Variants in COL11A1 observed in about 807,000 individuals in gnomAD.
COL11A1 encodes the protein collagen type XI alpha 1 chain.
COL11A1 carries 74 observed loss-of-function variants against 265.2 expected under a neutral mutation model. That is an observed-to-expected ratio of 0.28 (90% CI 0.23 to 0.34). COL11A1 has a LOEUF of 0.34. Ranked by LOEUF, COL11A1 falls within the 10% of genes least tolerant of loss-of-function variation. COL11A1 has a pLI of 1.00. For missense variants in COL11A1, 2,165 were observed against 2,263.6 expected, an observed-to-expected ratio of 0.96 and a Z score of 0.88; for synonymous variants, 816 against 727.6, an observed-to-expected ratio of 1.12 and a Z score of -1.96.
rs1570984489 is a variant in COL11A1, at chr1:102,998,214, A to C, written c.2196+96T>G. Reference sequence around the variant, plus strand: ...TTAATTACTGGCTCAATTTATTTTTATTACTAACCTCATATAATCATTTCT... The same window carrying C: ...TTAATTACTGGCTCAATTTATTTTTCTTACTAACCTCATATAATCATTTCT... On this transcript the variant is annotated intron_variant, in intron 25 of 66. Coordinates refer to ENST00000370096, the MANE Select transcript of COL11A1 (RefSeq NM_001854.4). 1.1e-5 allele frequency: 11 copies of C among 1,017,040 alleles called. No homozygotes were observed. The East Asian group carries it at 2.6e-4, about 24-fold the overall frequency. 63.0% of individuals were successfully genotyped at this position (1,017,040 alleles called of 1,614,324 possible). A position where few individuals can be genotyped will look rare whatever the true frequency, so the allele number is the denominator to read the frequency against.
At chr1:103,026,403 T>C (rs1023151514) in intron 5 of COL11A1, 71 bp from the exon 6 acceptor site, 1 of 974,352 alleles carries the variant, frequency 1.0e-6, no homozygotes, top group Non-Finnish European at 1.7e-6. Context: ...GTGAGAACCA[T>C]CTTAACTTTT....
intron 41 of COL11A1, among the ~76,000 whole-genome samples, chr1:102,954,451 G>A (rs1276039463): frequency 1.3e-5 from 2 of 152,082 alleles, no homozygotes; most frequent in South Asian, 2.1e-4. Context: ...TTAAGATGCC[G>A]CCCACTAGAG....
At chr1:102,906,189 T>G (rs1027254926) in intron 54 of COL11A1, among the ~76,000 whole-genome samples, 4 of 152,144 alleles carry the variant, frequency 2.6e-5, no homozygotes, top group Non-Finnish European at 4.4e-5. Context: ...TATTGTAAAT[T>G]AGTTATTATG....
intron 41 of COL11A1, among the ~76,000 whole-genome samples, chr1:102,955,958 G>A (rs1376644715): frequency 6.6e-6 from 1 of 151,992 alleles, no homozygotes; most frequent in African/African-American, 2.4e-5. Context: ...CCAGTTCTTG[G>A]ATACAACATC....
At chr1:103,068,582 A>T (rs1671329982) in intron 4 of COL11A1, among the ~76,000 whole-genome samples, 1 of 151,580 alleles carries the variant, frequency 6.6e-6, no homozygotes, top group South Asian at 2.1e-4. Context: ...AATATATATA[A>T]AAGTTATATT....
Position 102,887,037 on chromosome 1 carries a change from A to T in COL11A1, c.4628T>A (p.Ile1543Asn). The T allele has an allele frequency of 6.2e-7, 1 of 1,613,870 alleles. No individual in the cohort carries two copies. Among genetic ancestry groups the T allele is most frequent in the Non-Finnish European group, 8.5e-7 (1 of 1,179,816 alleles). Reference sequence around the variant, plus strand: ...GGAGGACAAGATTGGTAAAGGCTGAATGACTTCACCAGGTGGACCCTGTAA... The same window carrying T: ...GGAGGACAAGATTGGTAAAGGCTGATTGACTTCACCAGGTGGACCCTGTAA... ...PGSPGPPGEV[I>N]QPLPILSSKK... Residue 1543 changes from isoleucine to asparagine, a missense_variant, in exon 63 of 67, where the codon ATT (isoleucine) becomes AAT (asparagine). By Grantham distance (149) the Ile-to-Asn change is moderately radical. Coordinates refer to ENST00000370096, the MANE Select transcript of COL11A1 (RefSeq NM_001854.4).
intron 41 of COL11A1, among the ~76,000 whole-genome samples, chr1:102,960,231 C>G (rs1444710141): frequency 6.6e-6 from 1 of 152,044 alleles, no homozygotes; most frequent in African/African-American, 2.4e-5. Flanking sequence ...GAGTAAGTAT[C>G]ATGTGAATCA....
At chr1:103,022,448 C>T (rs950376256) in intron 8 of COL11A1, among the ~76,000 whole-genome samples, 3 of 152,034 alleles carry the variant, frequency 2.0e-5, no homozygotes, top group South Asian at 2.1e-4. Context: ...ATCAGACTTG[C>T]TACTTGGAAT....
intron 4 of COL11A1, among the ~76,000 whole-genome samples, chr1:103,040,742 T>C (rs976248560): frequency 6.6e-6 from 1 of 151,720 alleles, no homozygotes; most frequent in African/African-American, 2.4e-5. Flanking sequence ...TTTTAAAAAA[T>C]CAATTTGAGA....
chr1:103,089,959 A>G (rs1673181770), intron 1 of COL11A1, among the ~76,000 whole-genome samples: 1 of 152,194 alleles, frequency 6.6e-6, no homozygotes, highest in South Asian at 2.1e-4. Flanking sequence ...CCCTGTCTCT[A>G]CTAAAAATAC....
intron 4 of COL11A1, among the ~76,000 whole-genome samples, chr1:103,052,065 T>C (rs956009141): frequency 6.6e-6 from 1 of 152,126 alleles, no homozygotes; most frequent in Non-Finnish European, 1.5e-5. Context: ...ACCTCTCATA[T>C]CCTAACAGTC....
chr1:102,905,474 C>A (rs189791620), intron 54 of COL11A1, among the ~76,000 whole-genome samples: 2 of 148,980 alleles, frequency 1.3e-5, no homozygotes, highest in Non-Finnish European at 3.0e-5. Context: ...ATTAGTGGTG[C>A]CTTTATTTGT....
intron 54 of COL11A1, among the ~76,000 whole-genome samples, chr1:102,902,877 C>CAT (rs60305543): frequency 0.014 from 2,048 of 150,632 alleles, 45 homozygotes; most frequent in African/African-American, 0.046. Context: ...GGTACACACA[C>CAT]ATATATATAT....
In COL11A1 at chr1:102,978,772, A is replaced by G; in HGVS notation, c.2710-20T>C. On this transcript the variant is annotated intron_variant, in intron 34 of 66. Coordinates refer to ENST00000370096, the MANE Select transcript of COL11A1 (RefSeq NM_001854.4). ...AGTGCCCTGGCACCAAGAAAAGAAA[A>G]GAAAAATCAGTTTGAATTCTTTCTC... The G allele has an allele frequency of 6.2e-7, 1 of 1,614,204 alleles. No homozygotes were observed. Among genetic ancestry groups the G allele is most frequent in the Non-Finnish European group, 8.5e-7 (1 of 1,180,032 alleles).
chr1:103,005,917 A>G (rs759237325), intron 17 of COL11A1, 26 bp from the exon 18 acceptor site: 1 of 1,613,894 alleles, frequency 6.2e-7, no homozygotes. Flanking sequence ...CATCATCATC[A>G]TCATCATCAT....
At chr1:102,895,720 T>A (rs1652342649) in intron 57 of COL11A1, among the ~76,000 whole-genome samples, 1 of 151,446 alleles carries the variant, frequency 6.6e-6, no homozygotes, top group Admixed American at 6.6e-5. Context: ...CCTTCTTTAA[T>A]AATCGTATCA....
chr1:102,997,099 G>T lies in COL11A1; in HGVS notation c.2222C>A (p.Ser741Tyr), dbSNP rs1205519938. 2.5e-6 allele frequency: 4 copies of T among 1,611,782 alleles called. No individual in the cohort carries two copies. The African/African-American group carries it at 5.3e-5, about 22-fold the overall frequency. The change falls in exon 26 of 67, where the codon TCT becomes TAT. Residue 741 changes from serine (S) to tyrosine (Y), a missense_variant. Transcript: ENST00000370096. ...PPGHPGKEGQSGEKGALGPPG... is the reference protein window; with the variant it reads ...PPGHPGKEGQYGEKGALGPPG... ...ACCTACCAGAGCCCCCTTTTCTCCA[G>T]ACTGGCCTTCTTTCCCAGGATGACC...
intron 54 of COL11A1, among the ~76,000 whole-genome samples, chr1:102,911,357 T>C (rs976618017): frequency 6.6e-6 from 1 of 152,176 alleles, no homozygotes; most frequent in Non-Finnish European, 1.5e-5. Context: ...AAAATACCCC[T>C]GAAATAAAGA....
intron 4 of COL11A1, among the ~76,000 whole-genome samples, chr1:103,072,707 T>G (rs1316017983): frequency 6.6e-6 from 1 of 151,828 alleles, no homozygotes; most frequent in Non-Finnish European, 1.5e-5. Flanking sequence ...TTACTTATTT[T>G]CTTCATGCAC....
Sources: gnomAD v4.1 joint callset for allele counts (sites outside exome capture counted in the v4.1 genomes callset) on GRCh38, gnomAD v4.1.1 for gene constraint, MANE v1.5 for transcripts, NCBI Gene and HGNC (gene_info 2026-07-23, HGNC 2026-07-21) for gene names.